Variants in DPEP2 observed in about 807,000 individuals in gnomAD.
DPEP2 encodes the protein dipeptidase 2.
A neutral mutation model predicts 51.8 loss-of-function variants in DPEP2; 45 were observed. That is an observed-to-expected ratio of 0.87 (90% CI 0.68 to 1.11). The LOEUF is 1.11. Among genes scored for constraint, DPEP2 ranks in the 50% most tolerant of loss-of-function variants. The pLI, the probability that DPEP2 is intolerant of heterozygous loss-of-function variation, is 0.00. For missense variants in DPEP2, 604 were observed against 631.9 expected (o/e 0.96, Z 0.47); for synonymous variants, 255 against 262.7 (o/e 0.97, Z 0.28).
chr16:67,997,989 A>C (rs1311908763), intron 1 of DPEP2, among the ~76,000 whole-genome samples: 1 of 152,086 alleles, frequency 6.6e-6, no homozygotes, highest in Non-Finnish European at 1.5e-5. Context: ...ACCCCAAATT[A>C]TCCCTGTGCT....
At chr16:67,992,027 C>T (rs777473580) in intron 4 of DPEP2, 37 bp downstream of exon 4, 122 of 1,613,772 alleles carry the variant, frequency 7.6e-5, no homozygotes, top group Non-Finnish European at 9.8e-5. Flanking sequence ...TGGAGTAGCT[C>T]AATCAAGTTC....
chr16:67,987,476 C>T lies in DPEP2; in HGVS notation c.*30G>A, dbSNP rs190627299. The T allele has an allele frequency of 2.3e-4, 361 of 1,589,932 alleles. 1 individual carries two copies. In the African/African-American group the frequency reaches 4.1e-3, roughly 18 times the overall value. On this transcript the variant is annotated 3_prime_UTR_variant, in exon 11 of 11. Transcript: ENST00000393847. ...TTTGTGGGGTGTCTGTGGCTTGCTA[C>T]AGTGACATCTGGCAGGACTAACTGG...
chr16:67,989,278 C>G (rs752927555), intron 9 of DPEP2, 45 bp downstream of exon 9: 1 of 1,609,180 alleles, frequency 6.2e-7, no homozygotes. Context: ...GAAGGCCCCA[C>G]TGCTGTACAG....
chr16:67,991,661 A>G lies in DPEP2; in HGVS notation c.662+177T>C. 1 of 971,214 alleles carries G rather than the reference A, an allele frequency of 1.0e-6. No individual in the cohort carries two copies. Among genetic ancestry groups the G allele is most frequent in the Non-Finnish European group, 1.5e-6 (1 of 680,984 alleles). The allele number at this position is 971,214 out of a possible 1,614,324, so 60.2% of individuals were successfully genotyped here. A position where few individuals can be genotyped will look rare whatever the true frequency, so the allele number is the denominator to read the frequency against. ...CCAAAGTTTTGGGATTACAGGCATG[A>G]GCCACCGCGTCTGGCCAGGGGTCAA... On this transcript the variant is annotated intron_variant, in intron 5 of 10. Transcript: ENST00000393847. This position sits in a 1 kb window ranked among gnomAD's most constrained non-coding sequence, Gnocchi z 5.1.
At chr16:67,996,626 C>T (rs2032710536) in intron 1 of DPEP2, among the ~76,000 whole-genome samples, 1 of 152,068 alleles carries the variant, frequency 6.6e-6, no homozygotes, top group African/African-American at 2.4e-5. Context: ...AGGTAATCCA[C>T]CCACCACGGC....
intron 2 of DPEP2, 74 bp from the exon 3 acceptor site, chr16:67,992,710 C>T: frequency 6.4e-7 from 1 of 1,566,796 alleles, no homozygotes; most frequent in Non-Finnish European, 8.7e-7. Context: ...TCAGGAAGGA[C>T]ACATCTGGGG....
At chr16:67,999,107 A>T (rs746357185) in intron 1 of DPEP2, among the ~76,000 whole-genome samples, 13 of 152,058 alleles carry the variant, frequency 8.5e-5, no homozygotes, top group Non-Finnish European at 1.6e-4. Flanking sequence ...CTTTGCAGTA[A>T]ATCTTGCTAC....
rs1367948696 is a variant in DPEP2, at chr16:67,987,773, G to T, written c.1207-13C>A. ...TTTCTTCCTGTACCTAGAGGTGGCA[G>T]TCGGTGCTCAGCTTCCACAGCTCTC... is the stretch of plus-strand genomic sequence containing the variant. On this transcript the variant is annotated splice_polypyrimidine_tract_variant and intron_variant, in intron 10 of 10. Transcript: ENST00000393847. 2.5e-6 allele frequency: 4 copies of T among 1,612,634 alleles called. No homozygotes were observed. Among genetic ancestry groups the T allele is most frequent in the Non-Finnish European group, 3.4e-6 (4 of 1,178,792 alleles).
In DPEP2 at chr16:67,988,422, G is replaced by GGAAA. The variant is rs528175365; in HGVS notation, c.1071-439_1071-436dup. On this transcript the variant is annotated intron_variant, in intron 9 of 10. Coordinates refer to ENST00000393847, the MANE Select transcript of DPEP2 (RefSeq NM_022355.4). ...GAAAGAAAGAAAGAAAGGAAAGAAA[G>GGAAA]GAAAGAAAGAAAGAAAGAAAGGAAA... is the stretch of plus-strand genomic sequence containing the variant. Among the ~76,000 whole-genome samples, 507 of 146,284 alleles carry GGAAA rather than the reference G, an allele frequency of 3.5e-3. 5 individuals carry two copies. Among genetic ancestry groups the GGAAA allele is most frequent in the African/African-American group, 0.013 (469 of 36,922 alleles).
rs1192684935 is a variant in DPEP2 at position 67,992,984 on chromosome 16, G to A, written c.229C>T (p.Arg77Trp). The change falls in exon 2 of 11, where the codon CGG (arginine) becomes TGG (tryptophan). Residue 77 changes from arginine to tryptophan, a missense_variant. By Grantham distance (101) the Arg-to-Trp change is moderately radical. Coordinates refer to ENST00000393847, the MANE Select transcript of DPEP2 (RefSeq NM_022355.4). ...AGCGGGAAGTCCCGCATCAGGGCCC[G>A]TGCCTGCTCTTGCAGGCCCTGGGTG... is the stretch of plus-strand genomic sequence containing the variant. ...PSTQGLQEQA[R>W]ALMRDFPLVD... 3 of 1,611,016 alleles carry A rather than the reference G, an allele frequency of 1.9e-6. No individual in the cohort carries two copies. In the South Asian group the frequency reaches 3.3e-5, roughly 18 times the overall value.
chr16:67,993,885 C>T, intron 1 of DPEP2: 1 of 985,558 alleles, frequency 1.0e-6, no homozygotes. Context: ...GCCCTCAAGC[C>T]TATACTCTGG....
chr16:67,990,640 T>C (rs28421754), intron 7 of DPEP2, among the ~76,000 whole-genome samples, 181 bp downstream of exon 7: 133 of 152,226 alleles, frequency 8.7e-4, no homozygotes, highest in African/African-American at 3.1e-3. Flanking sequence ...ATTTTTGTAT[T>C]TTTAGTAGAG....
rs2032195373 is a variant in DPEP2, at chr16:67,991,858, G to A, written c.642C>T (p.Thr214=). Reference sequence around the variant, plus strand: ...CTCACCAGGGTGTGTTGCAGGTGTGGGTGAGCGTCAGGTAGCGCACTCCCA... The same window carrying A: ...CTCACCAGGGTGTGTTGCAGGTGTGAGTGAGCGTCAGGTAGCGCACTCCCA... The part of the protein sequence containing the change: ...YMLGVRYLTL[T]HTCNTPWAES... The change falls in exon 5 of 11, where the codon ACC becomes ACT. Residue 214 remains threonine (T), a synonymous_variant. Transcript: ENST00000393847. The surrounding 1 kb of genome is among the most constrained non-coding windows in gnomAD (Gnocchi z 5.1). 6.2e-7 allele frequency: 1 copy of A among 1,614,148 alleles called. No homozygotes were observed. Among genetic ancestry groups the A allele is most frequent in the East Asian group, 2.2e-5 (1 of 44,882 alleles).
intron 1 of DPEP2, chr16:67,993,706 GCCA>G (rs1235932933): frequency 1.0e-6 from 1 of 986,576 alleles, no homozygotes; most frequent in African/African-American, 1.7e-5. Context: ...CACACCCAGG[GCCA>G]CATGTGTCCC....
rs1314516365 is a variant in DPEP2 at position 67,992,524 on chromosome 16, G to C, written c.376C>G (p.Leu126Val). 1.9e-6 allele frequency: 3 copies of C among 1,612,308 alleles called. No homozygotes were observed. In the Admixed American group the frequency reaches 5.0e-5, roughly 27 times the overall value. Reference sequence around the variant, plus strand: ...CCCTGTGGTACCTGGGCGCCCACGAGGCCATCTCTAAGCCTGTCCAGGCTG... The same window carrying C: ...CCCTGTGGTACCTGGGCGCCCACGACGCCATCTCTAAGCCTGTCCAGGCTG... ...QTSLDRLRDG[L>V]VGAQFWSAYV... The change falls in exon 3 of 11, where the codon CTC becomes GTC. Residue 126 changes from leucine (L) to valine (V), a missense_variant. By Grantham distance (32) the Leu-to-Val change is conservative (BLOSUM62 1). Coordinates refer to ENST00000393847, the MANE Select transcript of DPEP2 (RefSeq NM_022355.4).
rs8053274 is a variant in DPEP2, at chr16:67,993,225, C to T, written c.-13G>A. ...CGGAGGGCTGCATGTTGTGCAGGGCCGGGCAGGCAGGCAGGGGTGGCAGTC... is the reference window on the plus strand; with the variant it reads ...CGGAGGGCTGCATGTTGTGCAGGGCTGGGCAGGCAGGCAGGGGTGGCAGTC... On this transcript the variant is annotated 5_prime_UTR_variant, in exon 2 of 11. Coordinates refer to ENST00000393847, the MANE Select transcript of DPEP2 (RefSeq NM_022355.4). 5.5e-3 allele frequency: 7,814 copies of T among 1,419,964 alleles called. 320 individuals carry two copies. The African/African-American group carries it at 0.096, about 17-fold the overall frequency. The allele number at this position is 1,419,964 out of a possible 1,614,324, so 88.0% of individuals were successfully genotyped here.
At chr16:67,992,807 G>A in intron 2 of DPEP2, 143 bp downstream of exon 2, 1 of 1,478,940 alleles carries the variant, frequency 6.8e-7, no homozygotes, top group East Asian at 2.4e-5. Flanking sequence ...ATGACAGAGG[G>A]GAAAGGGTAC....
chr16:67,989,204 G>T, intron 9 of DPEP2, 119 bp downstream of exon 9: 2 of 1,077,162 alleles, frequency 1.9e-6, no homozygotes, highest in Non-Finnish European at 1.4e-6. Context: ...AAACAGGAGA[G>T]CCCAGAGAAC....
At position 67,991,827 on chromosome 16, in the gene DPEP2, A is replaced by G. The variant is rs769595440; in HGVS notation, c.662+11T>C. 2 of 1,613,648 alleles carry G rather than the reference A, an allele frequency of 1.2e-6. No individual in the cohort carries two copies. The highest frequency in any genetic ancestry group is 2.7e-5 in the African/African-American group (2 of 74,916). Reference sequence around the variant, plus strand: ...GCCTCAGCGGTCCCACACCATCTGCACTAGGCTCACCAGGGTGTGTTGCAG... The same window carrying G: ...GCCTCAGCGGTCCCACACCATCTGCGCTAGGCTCACCAGGGTGTGTTGCAG... On this transcript the variant is annotated intron_variant, in intron 5 of 10. Transcript: ENST00000393847. The surrounding 1 kb of genome is among the most constrained non-coding windows in gnomAD (Gnocchi z 5.1).
Sources: gnomAD v4.1 joint callset for allele counts (sites outside exome capture counted in the v4.1 genomes callset) on GRCh38, gnomAD v4.1.1 for gene constraint, Gnocchi (gnomAD v3.1) non-coding constraint, MANE v1.5 for transcripts, NCBI Gene and HGNC (gene_info 2026-07-23, HGNC 2026-07-21) for gene names.